SYNE2: variants seen among roughly 807,000 people sequenced by gnomAD.
SYNE2 encodes nesprin-2.
A neutral mutation model predicts 856.3 loss-of-function variants in SYNE2; 431 were observed. The observed-to-expected ratio is 0.50, with a 90% CI of 0.47 to 0.55. The LOEUF (loss-of-function observed/expected upper bound fraction) is 0.55, where lower values mean the gene tolerates loss of function less well. SYNE2 is among the 20% of genes least tolerant of loss of function. The pLI is 0.00. For synonymous variants in SYNE2, 2,923 were observed against 2,872.3 expected (o/e 1.02, Z -0.56); for missense variants, 8,129 against 8,023.2 (o/e 1.01, Z -0.50).
At position 64,076,786 on chromosome 14, in the gene SYNE2, A is replaced by G. The variant is rs1233591320; in HGVS notation, c.11022+686A>G. On this transcript the variant is annotated intron_variant, in intron 54 of 115. Coordinates refer to ENST00000555002, the MANE Select transcript of SYNE2 (RefSeq NM_182914.3). ...CTAGAATACTTACAACTTGATAAAT[A>G]AAATAGATCTTAAACACAAAAAATT... 2.0e-5 allele frequency among the ~76,000 whole-genome samples: 3 copies of G among 151,456 alleles called. No individual in the cohort carries two copies. In the East Asian group the frequency reaches 5.8e-4, roughly 29 times the overall value.
At chr14:64,068,861 C>CAAAAAAAAA (rs10546690) in intron 51 of SYNE2, among the ~76,000 whole-genome samples, 1 of 76,644 alleles carries the variant, frequency 1.3e-5, no homozygotes, top group Admixed American at 1.5e-4. Context: ...GACTCCGTCT[C>CAAAAAAAAA]AAAAAAAAAA....
At chr14:63,980,356 C>T (rs2096576457) in intron 14 of SYNE2, among the ~76,000 whole-genome samples, 1 of 152,134 alleles carries the variant, frequency 6.6e-6, no homozygotes. Flanking sequence ...AGTAGGAGAT[C>T]CTGAAATTAA....
chr14:64,113,235 C>A (rs1437862931), intron 65 of SYNE2, 106 bp from the exon 66 acceptor site: 3 of 1,590,366 alleles, frequency 1.9e-6, no homozygotes, highest in Non-Finnish European at 2.6e-6. Context: ...TTCTTCTGTC[C>A]TGATTTTGTT....
chr14:63,793,801 G>A (rs935750174), intron 1 of SYNE2, among the ~76,000 whole-genome samples: 20 of 151,650 alleles, frequency 1.3e-4, no homozygotes, highest in African/African-American at 4.8e-4. Context: ...AGGCAGGCAT[G>A]GTGGCACATG....
At chr14:64,098,649 A>G (rs2153636217) in intron 62 of SYNE2, 98 bp from the exon 63 acceptor site, 1 of 1,260,168 alleles carries the variant, frequency 7.9e-7, no homozygotes, top group Non-Finnish European at 1.1e-6. Context: ...TGGATAAAGT[A>G]AGTAAAAAAT....
intron 1 of SYNE2, among the ~76,000 whole-genome samples, chr14:63,776,851 T>C (rs1345881140): frequency 6.6e-6 from 1 of 152,168 alleles, no homozygotes; most frequent in Non-Finnish European, 1.5e-5. Flanking sequence ...TCCGCCCACC[T>C]TGGCCTCCCA....
chr14:63,876,943 C>A (rs1028513987), intron 1 of SYNE2, among the ~76,000 whole-genome samples: 2 of 152,254 alleles, frequency 1.3e-5, no homozygotes, highest in Non-Finnish European at 1.5e-5. Flanking sequence ...TCCAACAGAC[C>A]TGTTATTGAG....
chr14:63,881,772 A>G (rs2094870905), intron 1 of SYNE2, among the ~76,000 whole-genome samples: 1 of 152,124 alleles, frequency 6.6e-6, no homozygotes, highest in East Asian at 1.9e-4. Flanking sequence ...AAGAAACACA[A>G]GCTTTGCATA....
At chr14:64,047,822 G>C (rs2097197053) in intron 45 of SYNE2, among the ~76,000 whole-genome samples, 178 bp from the exon 46 acceptor site, 1 of 151,962 alleles carries the variant, frequency 6.6e-6, no homozygotes, top group Admixed American at 6.6e-5. Context: ...TTCATCTTGG[G>C]GTAATACCAA....
Position 64,027,711 on chromosome 14 carries a change from A to G in SYNE2, c.6632A>G (p.Glu2211Gly), listed in dbSNP as rs2096991744. 6.2e-7 allele frequency: 1 copy of G among 1,613,914 alleles called. No individual in the cohort carries two copies. Among genetic ancestry groups the G allele is most frequent in the East Asian group, 2.2e-5 (1 of 44,868 alleles). ...ELKSQGNYLL[E>G]CTKNPSFSEE... ...AAATCTCAGGGAAACTACCTCTTGG[A>G]GTGCACTAAAAATCCCAGCTTCAGT... is the stretch of plus-strand genomic sequence containing the variant. Residue 2211 changes from glutamate to glycine, a missense_variant, in exon 43 of 116, where the codon GAG becomes GGG. By Grantham distance (98) the Glu-to-Gly change is moderately conservative (BLOSUM62 -2). Coordinates refer to ENST00000555002, the MANE Select transcript of SYNE2 (RefSeq NM_182914.3).
intron 29 of SYNE2, among the ~76,000 whole-genome samples, chr14:64,002,369 C>T (rs1172016627): frequency 6.6e-6 from 1 of 152,158 alleles, no homozygotes; most frequent in African/African-American, 2.4e-5. Flanking sequence ...ATATACGAGA[C>T]TCATGCTTAA....
chr14:64,090,339 CT>C (rs1334172979), intron 59 of SYNE2, among the ~76,000 whole-genome samples: 1 of 152,180 alleles, frequency 6.6e-6, no homozygotes, highest in Admixed American at 6.5e-5. Context: ...TGAGATATGA[CT>C]TAGTACGGTG....
In SYNE2 at chr14:63,913,910, C is replaced by T. The variant is rs1410232107; in HGVS notation, c.79+4683C>T. On this transcript the variant is annotated intron_variant, in intron 2 of 115. Transcript: ENST00000555002. ...TACGGGGGAAGTCTTGCTATTTTGC[C>T]CAGGCTGGTCTTGAACTCCTGGCCT... Among the ~76,000 whole-genome samples, 5 of 95,346 alleles carry T rather than the reference C, an allele frequency of 5.2e-5. No individual in the cohort carries two copies. The South Asian group carries it at 1.9e-3, about 37-fold the overall frequency. The allele number at this position is 95,346 out of a possible 152,430, so 62.6% of individuals were successfully genotyped here. A position where few individuals can be genotyped will look rare whatever the true frequency, so the allele number is the denominator to read the frequency against.
chr14:63,930,586 C>T (rs774139686), intron 2 of SYNE2, among the ~76,000 whole-genome samples: 10 of 149,336 alleles, frequency 6.7e-5, no homozygotes, highest in Non-Finnish European at 1.0e-4. Context: ...CAGGCTGGAG[C>T]GTAGTGGTGC....
At chr14:63,927,511 G>A (rs2095685534) in intron 2 of SYNE2, among the ~76,000 whole-genome samples, 2 of 152,166 alleles carry the variant, frequency 1.3e-5, no homozygotes, top group Admixed American at 1.3e-4. Flanking sequence ...CTATTCTCGT[G>A]ATAATGAATA....
intron 1 of SYNE2, among the ~76,000 whole-genome samples, chr14:63,824,195 C>T (rs981568106): frequency 5.9e-5 from 9 of 151,974 alleles, no homozygotes; most frequent in African/African-American, 1.7e-4. Flanking sequence ...CAAAGTTAGC[C>T]GAGCATGGTA....
chr14:63,970,991 T>G (rs1328252447), intron 11 of SYNE2, among the ~76,000 whole-genome samples: 1 of 151,948 alleles, frequency 6.6e-6, no homozygotes, highest in African/African-American at 2.4e-5. Flanking sequence ...GGATCATACG[T>G]TTTTTAAGAA....
chr14:64,162,881 C>G (rs1163307774), intron 88 of SYNE2: 1 of 189,838 alleles, frequency 5.3e-6, no homozygotes, highest in Non-Finnish European at 1.1e-5. Context: ...ACAGATAATG[C>G]TCTGTACATC....
At position 64,139,882 on chromosome 14, in the gene SYNE2, G is replaced by T. The variant is rs1486962602; in HGVS notation, c.14844-59G>T. On this transcript the variant is annotated intron_variant, in intron 79 of 115. Coordinates refer to ENST00000555002, the MANE Select transcript of SYNE2 (RefSeq NM_182914.3). ...TAAAATAAGAAAATTTGCTGGTGAT[G>T]CATATCATTATCAGAATATGTTTCT... The T allele has an allele frequency of 1.9e-6, 3 of 1,575,116 alleles. No individual in the cohort carries two copies. The Admixed American group carries it at 5.0e-5, about 26-fold the overall frequency.
Sources: gnomAD v4.1 joint callset for allele counts (sites outside exome capture counted in the v4.1 genomes callset) on GRCh38, gnomAD v4.1.1 for gene constraint, MANE v1.5 for transcripts, NCBI Gene and HGNC (gene_info 2026-07-23, HGNC 2026-07-21) for gene names.